Variants in WBP1L observed in about 807,000 individuals in gnomAD.
WBP1L encodes the protein WW domain binding protein 1 like, also known as WW domain binding protein 1-like.
A neutral mutation model predicts 33.7 loss-of-function variants in WBP1L; 17 were observed. That is an observed-to-expected ratio of 0.50 (90% CI 0.34 to 0.76). The LOEUF is 0.76. Ranked by LOEUF, WBP1L falls within the 30% of genes least tolerant of loss-of-function variation. The pLI, the probability that WBP1L is intolerant of heterozygous loss-of-function variation, is 0.01. For missense variants in WBP1L, 389 were observed against 469.4 expected (o/e 0.83, Z 1.58); for synonymous variants, 173 against 190.8 (o/e 0.91, Z 0.77).
chr10:102,760,371 TCTTTC>T (rs1262732505), intron 1 of WBP1L, among the ~76,000 whole-genome samples: 9 of 86,372 alleles, frequency 1.0e-4, no homozygotes, highest in African/African-American at 6.5e-4. Context: ...TTTCTTTCTT[TCTTTC>T]TTTTTTTTTT....
At chr10:102,744,223 G>A in intron 1 of WBP1L, 80 bp downstream of exon 1, 1 of 1,404,874 alleles carries the variant, frequency 7.1e-7, no homozygotes, top group Non-Finnish European at 9.5e-7. Context: ...AAGGAGTGTT[G>A]TTGCCAAGAG....
intron 1 of WBP1L, among the ~76,000 whole-genome samples, chr10:102,791,977 G>C (rs558502925): frequency 6.6e-6 from 1 of 152,222 alleles, no homozygotes; most frequent in Non-Finnish European, 1.5e-5. Flanking sequence ...GCTAAGAATA[G>C]CAACTGTAAG....
intron 1 of WBP1L, among the ~76,000 whole-genome samples, chr10:102,750,511 A>G (rs539346627): frequency 6.6e-6 from 1 of 151,112 alleles, no homozygotes; most frequent in South Asian, 2.1e-4. Context: ...TATCAGTGCT[A>G]ATTTTAGCAT....
At position 102,772,250 on chromosome 10, in the gene WBP1L, G is replaced by A. The variant is rs929464145; in HGVS notation, c.91-25743G>A. 2.9e-4 allele frequency among the ~76,000 whole-genome samples: 35 copies of A among 119,766 alleles called. No individual in the cohort carries two copies. The East Asian group carries it at 3.4e-3, about 12-fold the overall frequency. The allele number at this position is 119,766 out of a possible 152,430, so 78.6% of individuals were successfully genotyped here. A position where few individuals can be genotyped will look rare whatever the true frequency, so the allele number is the denominator to read the frequency against. On this transcript the variant is annotated intron_variant, in intron 1 of 3. Coordinates refer to ENST00000448841, the MANE Select transcript of WBP1L (RefSeq NM_001083913.2). ...TGGGATTACAAGCGTAAGCCACTGC[G>A]CCCGGCCTTTTTTTTTTTTTTTTTT...
intron 1 of WBP1L, among the ~76,000 whole-genome samples, chr10:102,788,338 C>A (rs779037560): frequency 9.2e-5 from 14 of 151,838 alleles, no homozygotes; most frequent in African/African-American, 1.2e-4. Flanking sequence ...TCTTGATCTC[C>A]TGATCTCATG....
chr10:102,746,165 G>A, intron 1 of WBP1L: 1 of 985,364 alleles, frequency 1.0e-6, no homozygotes, highest in Non-Finnish European at 1.2e-6. Flanking sequence ...AGGTCGTGGA[G>A]CCTGGGAGGT....
intron 1 of WBP1L, among the ~76,000 whole-genome samples, chr10:102,776,813 A>T (rs955697959): frequency 6.6e-6 from 1 of 152,048 alleles, no homozygotes; most frequent in African/African-American, 2.4e-5. Flanking sequence ...ATTTCCTCAC[A>T]GTCCTCTGGT....
At chr10:102,744,183 G>A in intron 1 of WBP1L, 40 bp downstream of exon 1, 1 of 1,522,842 alleles carries the variant, frequency 6.6e-7, no homozygotes, top group Non-Finnish European at 8.9e-7. Context: ...TGGGTCCTGG[G>A]GGTCGTCGAG....
At chr10:102,776,872 T>G (rs1843271019) in intron 1 of WBP1L, among the ~76,000 whole-genome samples, 1 of 152,130 alleles carries the variant, frequency 6.6e-6, no homozygotes, top group Non-Finnish European at 1.5e-5. Flanking sequence ...CGTTCTTCTT[T>G]TAAAGGAAAG....
intron 1 of WBP1L, among the ~76,000 whole-genome samples, chr10:102,776,590 T>C (rs1203932390): frequency 1.3e-5 from 2 of 152,180 alleles, no homozygotes; most frequent in Non-Finnish European, 2.9e-5. Context: ...TGCTCCTTAC[T>C]TTCAGAGCCA....
intron 1 of WBP1L, among the ~76,000 whole-genome samples, chr10:102,754,064 A>G (rs1311926280): frequency 1.3e-5 from 2 of 152,258 alleles, no homozygotes; most frequent in African/African-American, 4.8e-5. Flanking sequence ...ACAACAAGGG[A>G]AAAAACCACA....
intron 1 of WBP1L, among the ~76,000 whole-genome samples, chr10:102,787,455 G>A (rs1244760796): frequency 2.6e-5 from 4 of 152,158 alleles, no homozygotes; most frequent in Non-Finnish European, 4.4e-5. Flanking sequence ...GGGTGTGGTG[G>A]CGTATGCCTG....
intron 1 of WBP1L, among the ~76,000 whole-genome samples, chr10:102,785,399 G>C (rs1408521215): frequency 6.8e-6 from 1 of 147,732 alleles, no homozygotes; most frequent in Non-Finnish European, 1.5e-5. Flanking sequence ...GTGTTAGCCA[G>C]GATGGTCTCG....
Position 102,744,452 on chromosome 10 carries a change from C to T in WBP1L, c.90+309C>T, listed in dbSNP as rs189409869. Reference sequence around the variant, plus strand: ...CCAAGCTGAGGATGTGGGCCTTATTCGTGTCCCTCTGTGGAGCAGGTGTCC... The same window carrying T: ...CCAAGCTGAGGATGTGGGCCTTATTTGTGTCCCTCTGTGGAGCAGGTGTCC... On this transcript the variant is annotated intron_variant, in intron 1 of 3. Transcript: ENST00000448841. The T allele has an allele frequency of 4.0e-3, 3,937 of 985,250 alleles. 16 individuals are homozygous for T. Among genetic ancestry groups the T allele is most frequent in the Non-Finnish European group, 4.5e-3 (3,761 of 829,906 alleles). The allele number at this position is 985,250 out of a possible 1,614,324, so 61.0% of individuals were successfully genotyped here.
chr10:102,762,769 T>C lies in WBP1L; in HGVS notation c.90+18626T>C, dbSNP rs113312087. 6.9e-3 allele frequency among the ~76,000 whole-genome samples: 1,057 copies of C among 152,288 alleles called. 3 individuals are homozygous for C. Among genetic ancestry groups the C allele is most frequent in the Middle Eastern group, 0.02 (6 of 294 alleles). ...AAAATGAAGAGACCCTGCCAGCATA[T>C]CTTCTCCTCTTCCAGCTCTTCGGGG... On this transcript the variant is annotated intron_variant, in intron 1 of 3. Transcript: ENST00000448841.
Position 102,813,030 on chromosome 10 carries a change from A to G in WBP1L, c.791A>G (p.His264Arg), listed in dbSNP as rs1843869766. The G allele has an allele frequency of 6.2e-7, 1 of 1,613,798 alleles. No individual in the cohort carries two copies. The highest frequency in any genetic ancestry group is 8.5e-7 in the Non-Finnish European group (1 of 1,180,032). ...AGCAAAGAGAAGACGCCTGGGAGAC[A>G]TCGCCGCTTCACAGGTGACTCGGGC... ...PDSKEKTPGR[H>R]RRFTGDSGIE... is the part of the protein sequence containing the mutation. The change falls in exon 4 of 4, where the codon CAT becomes CGT. Residue 264 changes from histidine (H) to arginine (R), a missense_variant. Physicochemically the swap from His to Arg is conservative, Grantham distance 29. Transcript: ENST00000448841.
chr10:102,798,121 A>C (rs1431384936), intron 2 of WBP1L, 26 bp downstream of exon 2: 2 of 1,601,938 alleles, frequency 1.2e-6, no homozygotes, highest in Admixed American at 1.7e-5. Flanking sequence ...GGTGCCTCTC[A>C]GTATCCCAGG....
chr10:102,746,062 G>A (rs1306239342), intron 1 of WBP1L: 1 of 835,300 alleles, frequency 1.2e-6, no homozygotes. Flanking sequence ...TTTGGTTTAG[G>A]AATGTCAGAG....
At chr10:102,765,593 G>T (rs1843095959) in intron 1 of WBP1L, among the ~76,000 whole-genome samples, 1 of 152,114 alleles carries the variant, frequency 6.6e-6, no homozygotes, top group South Asian at 2.1e-4. Flanking sequence ...TTTTCTTGAG[G>T]GCCTGCTTTG....
Sources: allele counts gnomAD v4.1 joint callset (sites outside exome capture counted in the v4.1 genomes callset), GRCh38; gene constraint gnomAD v4.1.1; transcripts MANE v1.5; gene names NCBI Gene and HGNC (gene_info 2026-07-23, HGNC 2026-07-21).